The following MCHR2 variants were observed in gnomAD, a reference collection of about 807,000 sequenced individuals.
MCHR2 encodes the protein melanin concentrating hormone receptor 2, also known as melanin-concentrating hormone receptor 2.
Under a neutral mutation model 24.8 loss-of-function variants are expected in MCHR2, and 15 were observed. That is an observed-to-expected ratio of 0.60 (90% CI 0.40 to 0.93). The LOEUF is 0.93. Ranked by LOEUF, MCHR2 falls within the 40% of genes least tolerant of loss-of-function variation. MCHR2 has a pLI of 0.00. For synonymous variants in MCHR2, 151 were observed against 147.6 expected, an observed-to-expected ratio of 1.02 and a Z score of -0.17; for missense variants, 386 against 408.7, an observed-to-expected ratio of 0.94 and a Z score of 0.48.
intron 2 of MCHR2, among the ~76,000 whole-genome samples, chr6:99,949,038 A>G (rs944481556): frequency 6.6e-6 from 1 of 152,146 alleles, no homozygotes; most frequent in Admixed American, 6.5e-5. Flanking sequence ...AGCAGGTGAA[A>G]TACATTTCTG....
At chr6:99,940,972 C>T (rs1774758392) in intron 4 of MCHR2, among the ~76,000 whole-genome samples, 1 of 152,114 alleles carries the variant, frequency 6.6e-6, no homozygotes, top group Non-Finnish European at 1.5e-5. Flanking sequence ...GAGCAACAGT[C>T]CCACCTCCCT....
At chr6:99,963,594 T>TAA (rs1775239544) in intron 1 of MCHR2, among the ~76,000 whole-genome samples, 1 of 152,100 alleles carries the variant, frequency 6.6e-6, no homozygotes, top group Non-Finnish European at 1.5e-5. Flanking sequence ...AAATGTTGTG[T>TAA]TTATAGTTCA....
In MCHR2 at chr6:99,956,079, C is replaced by T. The variant is rs1775053585; in HGVS notation, c.69G>A (p.Glu23=). 1 of 1,613,458 alleles carries T rather than the reference C, an allele frequency of 6.2e-7. No individual in the cohort carries two copies. Among genetic ancestry groups the T allele is most frequent in the African/African-American group, 1.3e-5 (1 of 74,972 alleles). The change falls in exon 2 of 6, where the codon GAG becomes GAA. Residue 23 remains glutamate, a synonymous_variant. Coordinates refer to ENST00000281806, the MANE Select transcript of MCHR2 (RefSeq NM_001040179.2). ...CCACACTGGCAGTTTGATAAGCAAA[C>T]TCTTTATTCCAGGATTTGTTTAAAA... ...AELLNKSWNK[E]FAYQTASVVD... is the part of the protein sequence containing the mutation.
intron 1 of MCHR2, among the ~76,000 whole-genome samples, chr6:99,971,254 TCTC>T (rs1482195721): frequency 3.4e-4 from 52 of 152,030 alleles, no homozygotes; most frequent in Non-Finnish European, 6.2e-4. Flanking sequence ...GGTTTGTAGT[TCTC>T]CTTGAAGAGG....
intron 2 of MCHR2, among the ~76,000 whole-genome samples, chr6:99,952,300 T>C (rs1198439578): frequency 2.0e-5 from 3 of 152,170 alleles, no homozygotes; most frequent in Admixed American, 1.3e-4. Context: ...GCACAAGTTG[T>C]TTCTTGCTTT....
chr6:99,989,396 T>C (rs1775825967), intron 1 of MCHR2, among the ~76,000 whole-genome samples: 1 of 152,222 alleles, frequency 6.6e-6, no homozygotes, highest in Non-Finnish European at 1.5e-5. Context: ...GTACATTACC[T>C]CATTTAAAGT....
At chr6:99,978,821 C>G (rs527282850) in intron 1 of MCHR2, among the ~76,000 whole-genome samples, 1 of 152,282 alleles carries the variant, frequency 6.6e-6, no homozygotes, top group East Asian at 1.9e-4. Flanking sequence ...AAAATGTACC[C>G]TGCTTCACAG....
intron 5 of MCHR2, among the ~76,000 whole-genome samples, chr6:99,930,912 C>T (rs201210980): frequency 0.019 from 2,904 of 149,830 alleles, 35 homozygotes; most frequent in Middle Eastern, 0.048. Flanking sequence ...GGAGGAGAGG[C>T]GCTCTGCTTT....
At chr6:99,976,909 A>G (rs1055055094) in intron 1 of MCHR2, among the ~76,000 whole-genome samples, 1 of 152,200 alleles carries the variant, frequency 6.6e-6, no homozygotes, top group Non-Finnish European at 1.5e-5. Flanking sequence ...GCCCCTTGCC[A>G]CAGATATTTT....
chr6:99,958,730 G>A (rs1167882168), intron 1 of MCHR2, among the ~76,000 whole-genome samples: 1 of 152,138 alleles, frequency 6.6e-6, no homozygotes. Context: ...GCCAATAGAA[G>A]AACCTGTGGC....
chr6:99,945,537 G>T (rs1275315069), intron 3 of MCHR2, among the ~76,000 whole-genome samples: 2 of 152,098 alleles, frequency 1.3e-5, no homozygotes, highest in East Asian at 3.9e-4. Flanking sequence ...CACTTGAAAT[G>T]CATGATCTAT....
At chr6:99,981,906 C>A (rs1323467855) in intron 1 of MCHR2, among the ~76,000 whole-genome samples, 3 of 152,118 alleles carry the variant, frequency 2.0e-5, no homozygotes, top group Admixed American at 1.3e-4. Context: ...TGTTTACATG[C>A]ACTTCCCCAA....
At chr6:99,963,182 CT>C (rs1432573187) in intron 1 of MCHR2, among the ~76,000 whole-genome samples, 1 of 152,012 alleles carries the variant, frequency 6.6e-6, no homozygotes, top group Non-Finnish European at 1.5e-5. Flanking sequence ...CTCTTGTGTA[CT>C]TTTGGTAGGA....
intron 1 of MCHR2, among the ~76,000 whole-genome samples, chr6:99,984,969 T>G (rs577103189): frequency 6.6e-6 from 1 of 152,230 alleles, no homozygotes; most frequent in African/African-American, 2.4e-5. Flanking sequence ...GATAAATGAC[T>G]TCAGTAAAGT....
At chr6:99,957,871 T>C (rs192141661) in intron 1 of MCHR2, among the ~76,000 whole-genome samples, 2 of 151,998 alleles carry the variant, frequency 1.3e-5, no homozygotes, top group Admixed American at 1.3e-4. Flanking sequence ...AAATACCAAG[T>C]TAATGAATTT....
At chr6:99,971,113 C>A (rs1275893157) in intron 1 of MCHR2, among the ~76,000 whole-genome samples, 1 of 152,092 alleles carries the variant, frequency 6.6e-6, no homozygotes, top group Non-Finnish European at 1.5e-5. Context: ...TCATTGGTAG[C>A]TTGATGGGGA....
chr6:99,970,879 C>T (rs1316324065), intron 1 of MCHR2, among the ~76,000 whole-genome samples: 4 of 151,838 alleles, frequency 2.6e-5, no homozygotes, highest in Non-Finnish European at 5.9e-5. Flanking sequence ...TGTAGATATG[C>T]GGCATTATTT....
intron 1 of MCHR2, among the ~76,000 whole-genome samples, chr6:99,990,840 A>G (rs941465980): frequency 6.6e-6 from 1 of 150,728 alleles, no homozygotes; most frequent in East Asian, 2.0e-4. Context: ...CCAAGGCCTC[A>G]GTATCCACCT....
chr6:99,920,980 T>C lies in MCHR2; in HGVS notation c.983A>G (p.Glu328Gly). 6.2e-7 allele frequency: 1 copy of C among 1,614,214 alleles called. No homozygotes were observed. Among genetic ancestry groups the C allele is most frequent in the East Asian group, 2.2e-5 (1 of 44,888 alleles). The change falls in exon 6 of 6, where the codon GAA becomes GGA. Residue 328 changes from glutamate to glycine, a missense_variant. Physicochemically the swap from Glu to Gly is moderately conservative, Grantham distance 98 (BLOSUM62 -2). Coordinates refer to ENST00000281806, the MANE Select transcript of MCHR2 (RefSeq NM_001040179.2). ...PQIQRRATEK[E>G]INNMGNTLKS... ...CAGAGTGTTTCCCATATTGTTGATT[T>C]CCTTCTCAGTCGCTCTTCTTTGGAT...
Sources: allele counts gnomAD v4.1 joint callset (sites outside exome capture counted in the v4.1 genomes callset), GRCh38; gene constraint gnomAD v4.1.1; transcripts MANE v1.5; gene names NCBI Gene and HGNC (gene_info 2026-07-23, HGNC 2026-07-21).